Variants in PLSCR2 observed in about 807,000 individuals in gnomAD.
PLSCR2 encodes PL scramblase 2.
A neutral mutation model predicts 25.3 loss-of-function variants in PLSCR2; 18 were observed. The ratio of observed to expected loss-of-function variants is 0.71; its 90% CI spans 0.49 to 1.06. The LOEUF (loss-of-function observed/expected upper bound fraction) is 1.06. Ranked by LOEUF, PLSCR2 falls within the 50% of genes least tolerant of loss-of-function variation. The pLI is 0.00. For missense variants in PLSCR2, 243 were observed against 269.5 expected, an observed-to-expected ratio of 0.90 and a Z score of 0.69; for synonymous variants, 88 against 87.3, an observed-to-expected ratio of 1.01 and a Z score of -0.04.
chr3:146,463,735 A>T (rs1375039781), upstream of PLSCR2: 1 of 342,230 alleles, frequency 2.9e-6, no homozygotes, highest in Non-Finnish European at 4.1e-6. Context: ...CCTTTTACCA[A>T]CTCCTCCTAC....
intron 2 of PLSCR2, among the ~76,000 whole-genome samples, chr3:146,411,580 A>T (rs1000196165): frequency 6.6e-6 from 1 of 152,216 alleles, no homozygotes; most frequent in Admixed American, 6.5e-5. Flanking sequence ...GCCCGGTGGC[A>T]TTAATATCTC....
At chr3:146,461,802 T>C, upstream of PLSCR2, 2 of 778,898 alleles carry the variant, frequency 2.6e-6, no homozygotes, top group East Asian at 5.3e-5. Flanking sequence ...GTAAGGAGTT[T>C]GGATTTTATC....
downstream of PLSCR2, among the ~76,000 whole-genome samples, chr3:146,430,164 G>A (rs900416535): frequency 2.0e-5 from 3 of 152,176 alleles, no homozygotes; most frequent in Non-Finnish European, 2.9e-5. Flanking sequence ...GCCACCACTT[G>A]CTAGAGAGAT....
At chr3:146,418,341 C>T (rs976935212) in intron 2 of PLSCR2, among the ~76,000 whole-genome samples, 3 of 152,136 alleles carry the variant, frequency 2.0e-5, no homozygotes, top group Non-Finnish European at 1.5e-5. Context: ...AAATAAACCT[C>T]ATCAGCTGAA....
intron 3 of PLSCR2, among the ~76,000 whole-genome samples, chr3:146,393,384 T>C (rs7431927): frequency 0.54 from 82,405 of 151,824 alleles, 22,567 homozygotes; most frequent in South Asian, 0.72. Context: ...AATTGAGTGT[T>C]GTTTGCTCAT....
intron 8 of PLSCR2, among the ~76,000 whole-genome samples, chr3:146,434,455 G>T (rs1407150837): frequency 6.6e-6 from 1 of 151,828 alleles, no homozygotes; most frequent in East Asian, 1.9e-4. Flanking sequence ...GTAGGGAATT[G>T]TTTGAAGAAA....
upstream of PLSCR2, among the ~76,000 whole-genome samples, chr3:146,462,374 A>C (rs975732469): frequency 1.3e-5 from 2 of 151,996 alleles, no homozygotes; most frequent in African/African-American, 4.8e-5. Flanking sequence ...TTACAGGCAT[A>C]AACCGCTGCA....
intron 2 of PLSCR2, among the ~76,000 whole-genome samples, chr3:146,404,830 G>T (rs1274208827): frequency 4.0e-5 from 6 of 150,010 alleles, no homozygotes; most frequent in African/African-American, 1.2e-4. Flanking sequence ...AAGGGGGGGG[G>T]TGGTGGTTAA....
chr3:146,485,474 C>G (rs1419761880), intron 1 of PLSCR2, among the ~76,000 whole-genome samples: 1 of 152,120 alleles, frequency 6.6e-6, no homozygotes, highest in Non-Finnish European at 1.5e-5. Flanking sequence ...ACAGAACTCT[C>G]CACCCCAAGG....
At chr3:146,420,431 G>GTATATA (rs1251028887) in intron 2 of PLSCR2, among the ~76,000 whole-genome samples, 1 of 151,760 alleles carries the variant, frequency 6.6e-6, no homozygotes, top group East Asian at 1.9e-4. Context: ...GTGTAATATT[G>GTATATA]TATATATAGT....
chr3:146,491,458 G>T (rs896938874), intron 1 of PLSCR2, among the ~76,000 whole-genome samples: 2 of 152,022 alleles, frequency 1.3e-5, no homozygotes, highest in African/African-American at 4.8e-5. Context: ...TTTTCCAAGT[G>T]CTTGCTCTTT....
chr3:146,468,241 G>T (rs1228368356), intron 1 of PLSCR2, among the ~76,000 whole-genome samples: 1 of 152,118 alleles, frequency 6.6e-6, no homozygotes, highest in African/African-American at 2.4e-5. Flanking sequence ...TCATTTCCTT[G>T]TGCTTGTTCA....
chr3:146,459,606 T>C (rs1267773248), intron 2 of PLSCR2, among the ~76,000 whole-genome samples: 2 of 152,188 alleles, frequency 1.3e-5, no homozygotes, highest in African/African-American at 4.8e-5. Flanking sequence ...TTTGGACTAT[T>C]ATCACATTAT....
chr3:146,423,261 C>A (rs2039216233), intron 2 of PLSCR2, among the ~76,000 whole-genome samples: 1 of 145,542 alleles, frequency 6.9e-6, no homozygotes, highest in Non-Finnish European at 1.5e-5. Context: ...CTCTCTCTCT[C>A]TCTCTCTCTC....
chr3:146,483,491 A>ATATATATATATATACATGTG (rs2043228128), intron 1 of PLSCR2, among the ~76,000 whole-genome samples: 1 of 120,300 alleles, frequency 8.3e-6, no homozygotes, highest in Non-Finnish European at 1.7e-5. Context: ...ATATATATAT[A>ATATATATATATATACATGTG]TATATATATA....
intron 2 of PLSCR2, among the ~76,000 whole-genome samples, chr3:146,414,881 CT>C (rs2108054331): frequency 6.6e-6 from 1 of 152,324 alleles, no homozygotes; most frequent in African/African-American, 2.4e-5. Context: ...GTTTAGCATA[CT>C]AAAAGGGCAG....
intron 5 of PLSCR2, among the ~76,000 whole-genome samples, chr3:146,450,710 T>C (rs1042537555): frequency 6.6e-6 from 1 of 152,250 alleles, no homozygotes; most frequent in African/African-American, 2.4e-5. Context: ...GAGAACTTTA[T>C]ATTTTTATTT....
At chr3:146,493,553 TAAAAAA>T (rs2043629061) in intron 1 of PLSCR2, among the ~76,000 whole-genome samples, 1 of 152,032 alleles carries the variant, frequency 6.6e-6, no homozygotes, top group Admixed American at 6.5e-5. Flanking sequence ...TCAATAGACA[TAAAAAA>T]GGCTTTTGAT....
intron 2 of PLSCR2, among the ~76,000 whole-genome samples, chr3:146,405,161 AG>A (rs761371921): frequency 5.3e-5 from 8 of 152,000 alleles, no homozygotes; most frequent in East Asian, 1.9e-4. Context: ...TAGAAAGGGG[AG>A]GGGGGTCTAG....
Sources: allele counts gnomAD v4.1 joint callset (sites outside exome capture counted in the v4.1 genomes callset), GRCh38; gene constraint gnomAD v4.1.1; transcripts MANE v1.5; gene names NCBI Gene and HGNC (gene_info 2026-07-23, HGNC 2026-07-21).